The following PPP2R2B variants were observed in gnomAD, a reference collection of about 807,000 sequenced individuals.
PPP2R2B encodes the protein protein phosphatase 2 regulatory subunit Bbeta.
In PPP2R2B, 5 loss-of-function variants were observed where a neutral mutation model predicts 46.0. That is an observed-to-expected ratio of 0.11 (90% CI 0.06 to 0.23). The LOEUF is 0.23. Ranked by LOEUF, PPP2R2B falls within the 10% of genes least tolerant of loss-of-function variation. The probability of loss-of-function intolerance (pLI) is 1.00; values close to 1 mark genes in which losing one functional copy is unlikely to be tolerated. For synonymous variants in PPP2R2B, 215 were observed against 206.7 expected (o/e 1.04, Z -0.34); for missense variants, 367 against 575.0 (o/e 0.64, Z 3.70).
chr5:146,733,652 A>T (rs1167864365), intron 2 of PPP2R2B, among the ~76,000 whole-genome samples: 1 of 152,162 alleles, frequency 6.6e-6, no homozygotes, highest in African/African-American at 2.4e-5. Context: ...AGAATTGGCA[A>T]CCAGTTTGAG....
chr5:146,930,035 T>C (rs978757171), intron 1 of PPP2R2B, among the ~76,000 whole-genome samples: 2 of 152,204 alleles, frequency 1.3e-5, no homozygotes, highest in Non-Finnish European at 2.9e-5. Flanking sequence ...GAATTTATGT[T>C]CTGTAGGCAG....
chr5:146,648,540 T>A (rs1775731168), intron 6 of PPP2R2B, among the ~76,000 whole-genome samples: 1 of 152,186 alleles, frequency 6.6e-6, no homozygotes, highest in Non-Finnish European at 1.5e-5. Flanking sequence ...GTCAGAGTGT[T>A]CCACGTACTG....
intron 1 of PPP2R2B, among the ~76,000 whole-genome samples, chr5:146,995,819 G>A (rs1448182044): frequency 6.6e-6 from 1 of 152,170 alleles, no homozygotes; most frequent in Non-Finnish European, 1.5e-5. Context: ...ACACAGGAGA[G>A]CAAGATTTCC....
intron 2 of PPP2R2B, among the ~76,000 whole-genome samples, chr5:146,799,332 G>A (rs1280465593): frequency 6.6e-6 from 1 of 152,244 alleles, no homozygotes; most frequent in Non-Finnish European, 1.5e-5. Flanking sequence ...GCTGGTGATA[G>A]TGGGGAGCTC....
chr5:147,040,709 G>A (rs1407261944), intron 1 of PPP2R2B: 2 of 443,958 alleles, frequency 4.5e-6, no homozygotes, highest in Non-Finnish European at 8.9e-6. Flanking sequence ...GAGGAAGGTA[G>A]CACTTACGAG....
intron 2 of PPP2R2B, among the ~76,000 whole-genome samples, chr5:146,855,864 C>T (rs1760627314): frequency 6.6e-6 from 1 of 152,174 alleles, no homozygotes; most frequent in African/African-American, 2.4e-5. Flanking sequence ...CAGAAGCCTT[C>T]ATGCTACTTC....
intron 2 of PPP2R2B, among the ~76,000 whole-genome samples, chr5:147,074,729 C>T (rs1034444794): frequency 1.3e-5 from 2 of 152,170 alleles, no homozygotes; most frequent in Non-Finnish European, 2.9e-5. Context: ...GAGGATTCCT[C>T]TTTGCAAGGA....
At chr5:146,819,466 C>G (rs1343389556) in intron 2 of PPP2R2B, among the ~76,000 whole-genome samples, 1 of 152,122 alleles carries the variant, frequency 6.6e-6, no homozygotes, top group African/African-American at 2.4e-5. Context: ...CAACATGGCA[C>G]CTCTCTTTGA....
rs147490633 is a variant in PPP2R2B at position 146,654,652 on chromosome 5, A to G, written c.448-3928T>C. 1.3e-3 allele frequency among the ~76,000 whole-genome samples: 193 copies of G among 152,304 alleles called. 1 individual carries two copies. Among genetic ancestry groups the G allele is most frequent in the Non-Finnish European group, 2.2e-3 (150 of 68,036 alleles). ...ATATGCTTGCATCCTCAATAATATCATGCTGAAAGAACTATTTCTGTGGAT... is the reference window on the plus strand; with the variant it reads ...ATATGCTTGCATCCTCAATAATATCGTGCTGAAAGAACTATTTCTGTGGAT... On this transcript the variant is annotated intron_variant, in intron 5 of 9. Coordinates refer to ENST00000394411, the MANE Select transcript of PPP2R2B (RefSeq NM_181675.4).
chr5:146,758,817 C>A (rs1331301382), intron 2 of PPP2R2B, among the ~76,000 whole-genome samples: 1 of 152,124 alleles, frequency 6.6e-6, no homozygotes, highest in Non-Finnish European at 1.5e-5. Flanking sequence ...ATTTAGTTAT[C>A]CTACAAACTA....
chr5:146,868,884 C>G (rs990318167), intron 2 of PPP2R2B, among the ~76,000 whole-genome samples: 1 of 152,214 alleles, frequency 6.6e-6, no homozygotes, highest in Non-Finnish European at 1.5e-5. Context: ...GATGTGACTT[C>G]TGTTCTACTC....
chr5:146,878,829 T>C, upstream of PPP2R2B: 7 of 1,251,404 alleles, frequency 5.6e-6, no homozygotes, highest in Non-Finnish European at 7.3e-6. This position sits in a 1 kb window ranked among gnomAD's most constrained non-coding sequence, Gnocchi z 4.5. Flanking sequence ...CCCACGACTC[T>C]TTCCCAGCAG....
intron 2 of PPP2R2B, among the ~76,000 whole-genome samples, chr5:146,819,131 G>C (rs1758106068): frequency 6.6e-6 from 1 of 152,154 alleles, no homozygotes; most frequent in Admixed American, 6.5e-5. Context: ...CTCAGGCCTT[G>C]CTCTGAATAA....
At chr5:146,912,605 A>G (rs1423827963) in intron 1 of PPP2R2B, among the ~76,000 whole-genome samples, 2 of 151,632 alleles carry the variant, frequency 1.3e-5, no homozygotes, top group Non-Finnish European at 2.9e-5. Context: ...CCTGGGTTCA[A>G]GCAATTCTCC....
Position 146,700,663 on chromosome 5 carries a change from G to GT in PPP2R2B, c.168+381dup, listed in dbSNP as rs1326650177. Reference sequence around the variant, plus strand: ...TCACATCTGTTGGCAAATAAACTATGTTTTTTTCCTCCTGCATATTCTGGC... The same window carrying GT: ...TCACATCTGTTGGCAAATAAACTATGTTTTTTTTCCTCCTGCATATTCTGGC... On this transcript the variant is annotated intron_variant, in intron 3 of 9. Coordinates refer to ENST00000394411, the MANE Select transcript of PPP2R2B (RefSeq NM_181675.4). Among the ~76,000 whole-genome samples, 7 of 152,226 alleles carry GT rather than the reference G, an allele frequency of 4.6e-5. No homozygotes were observed. The East Asian group carries it at 5.8e-4, about 13-fold the overall frequency.
chr5:146,740,612 C>CAA (rs1348356961), intron 2 of PPP2R2B, among the ~76,000 whole-genome samples: 3 of 141,216 alleles, frequency 2.1e-5, no homozygotes, highest in Non-Finnish European at 3.0e-5. Context: ...CACACACACA[C>CAA]ACACACACAC....
At chr5:146,593,418 G>A (rs1355980400) in intron 8 of PPP2R2B, among the ~76,000 whole-genome samples, 2 of 152,174 alleles carry the variant, frequency 1.3e-5, no homozygotes, top group Non-Finnish European at 2.9e-5. Context: ...TACCTACTAC[G>A]CACTTGAGAT....
chr5:146,638,195 C>G, intron 7 of PPP2R2B, 56 bp downstream of exon 7: 1 of 1,566,570 alleles, frequency 6.4e-7, no homozygotes, highest in Non-Finnish European at 8.7e-7. Context: ...CAGGCTCTCC[C>G]CCAGCACATT....
chr5:147,018,043 G>GCACA (rs60161356), intron 1 of PPP2R2B, among the ~76,000 whole-genome samples: 805 of 48,246 alleles, frequency 0.017, 12 homozygotes, highest in African/African-American at 0.078. Flanking sequence ...GCATGCGCGC[G>GCACA]CACACACACA....
Sources: gnomAD v4.1 joint callset for allele counts (sites outside exome capture counted in the v4.1 genomes callset) on GRCh38, gnomAD v4.1.1 for gene constraint, Gnocchi (gnomAD v3.1) non-coding constraint, MANE v1.5 for transcripts, NCBI Gene and HGNC (gene_info 2026-07-23, HGNC 2026-07-21) for gene names.